The following SMURF1 variants were observed in gnomAD, a reference collection of about 807,000 sequenced individuals.
The protein encoded by SMURF1 is E3 ubiquitin-protein ligase SMURF1.
In SMURF1, 44 loss-of-function variants were observed where a neutral mutation model predicts 98.0. That is an observed-to-expected ratio of 0.45 (90% CI 0.35 to 0.58). The LOEUF (loss-of-function observed/expected upper bound fraction) is 0.58, where lower values mean the gene tolerates loss of function less well. Ranked by LOEUF, SMURF1 falls within the 20% of genes least tolerant of loss-of-function variation. SMURF1 has a pLI of 0.00. For missense variants in SMURF1, 687 were observed against 938.4 expected (o/e 0.73, Z 3.50); for synonymous variants, 396 against 374.9 (o/e 1.06, Z -0.65).
rs543037104 is a variant in SMURF1, at chr7:99,037,205, A to G, written c.1689-18T>C. 1 of 1,613,696 alleles carries G rather than the reference A, an allele frequency of 6.2e-7. No homozygotes were observed. The highest frequency in any genetic ancestry group is 1.3e-5 in the African/African-American group (1 of 75,020). On this transcript the variant is annotated intron_variant, in intron 14 of 17. Transcript: ENST00000361368. ...CATACAACCTGGAAGAAAAACTCGC[A>G]AGTTGGATGCAACACCAAGTGGATT...
rs747835625 is a variant in SMURF1, at chr7:99,052,322, T to C, written c.604A>G (p.Ser202Gly). Residue 202 changes from serine (S) to glycine (G), a missense_variant, in exon 7 of 18, where the codon AGT (serine) becomes GGT (glycine). By Grantham distance (56) the Ser-to-Gly change is moderately conservative. This residue lies in a region of SMURF1 where 415 missense variants were observed against 508.4 expected (regional missense o/e 0.82). Coordinates refer to ENST00000361368, the MANE Select transcript of SMURF1 (RefSeq NM_181349.3). ...TGTGCCTGAAGTCTTTGATCTTGAC[T>C]TGGGGACTCCACGAACCTGCAATTC... The part of the protein sequence containing the change: ...GGNCRFVESP[S>G]QDQRLQAQRL... 6.2e-7 allele frequency: 1 copy of C among 1,613,020 alleles called. No homozygotes were observed. The highest frequency in any genetic ancestry group is 1.1e-5 in the South Asian group (1 of 90,558).
intron 1 of SMURF1, 127 bp from the exon 2 acceptor site, chr7:99,061,964 T>C: frequency 1.6e-6 from 1 of 620,160 alleles, no homozygotes; most frequent in Non-Finnish European, 2.7e-6. Flanking sequence ...CTTTCAAATC[T>C]AGTATCATAT....
At chr7:99,037,984 T>C (rs552592044) in intron 14 of SMURF1, among the ~76,000 whole-genome samples, 66 of 149,636 alleles carry the variant, frequency 4.4e-4, no homozygotes, top group African/African-American at 1.6e-3. Context: ...TGCAAGTGCC[T>C]AGGCCGCAAG....
At chr7:99,111,293 T>C (rs879116286) in intron 1 of SMURF1, among the ~76,000 whole-genome samples, 1 of 152,164 alleles carries the variant, frequency 6.6e-6, no homozygotes, top group Admixed American at 6.5e-5. Context: ...CAAAAAGAGA[T>C]GGCATGTATC....
intron 1 of SMURF1, among the ~76,000 whole-genome samples, chr7:99,108,915 G>A (rs777349899): frequency 2.0e-5 from 3 of 152,132 alleles, no homozygotes; most frequent in Non-Finnish European, 2.9e-5. Flanking sequence ...TTAAGCTAAT[G>A]CATCGTGTTG....
chr7:99,140,872 CT>C (rs1798106158), intron 1 of SMURF1, among the ~76,000 whole-genome samples: 1 of 151,958 alleles, frequency 6.6e-6, no homozygotes, highest in East Asian at 1.9e-4. Context: ...TGAAAGATTG[CT>C]TCTCAACATC....
At chr7:99,043,540 C>T (rs1308368865) in intron 11 of SMURF1, among the ~76,000 whole-genome samples, 2 of 152,106 alleles carry the variant, frequency 1.3e-5, no homozygotes, top group Non-Finnish European at 2.9e-5. Flanking sequence ...CTACGGAAAA[C>T]GCAGAAGGAA....
At chr7:99,050,889 T>C in intron 8 of SMURF1, 2 of 1,068,028 alleles carry the variant, frequency 1.9e-6, no homozygotes, top group Non-Finnish European at 2.4e-6. Flanking sequence ...AACTCTGTTA[T>C]GGGGTGGGGG....
intron 2 of SMURF1, among the ~76,000 whole-genome samples, 181 bp downstream of exon 2, chr7:99,061,618 T>C (rs1297892600): frequency 2.0e-5 from 3 of 152,202 alleles, no homozygotes; most frequent in Admixed American, 2.0e-4. Context: ...GTTCTGTATA[T>C]TTCAGCTAAG....
At chr7:99,040,244 T>G in intron 13 of SMURF1, 134 bp downstream of exon 13, 1 of 1,001,656 alleles carries the variant, frequency 1.0e-6, no homozygotes, top group Non-Finnish European at 1.3e-6. Context: ...CTTTTTTTGT[T>G]TCAGGTTATA....
intron 9 of SMURF1, chr7:99,048,156 G>T (rs1795643262): frequency 5.1e-6 from 2 of 396,000 alleles, no homozygotes; most frequent in Non-Finnish European, 9.6e-6. Flanking sequence ...GGGAGGCTGA[G>T]GTGGGTGGAT....
chr7:99,076,853 G>A (rs998941893), intron 1 of SMURF1, among the ~76,000 whole-genome samples: 7 of 151,940 alleles, frequency 4.6e-5, no homozygotes, highest in Admixed American at 3.9e-4. Flanking sequence ...GTGTGTGCAC[G>A]TGCATGTGTG....
At chr7:99,143,629 C>A in intron 1 of SMURF1, 97 bp downstream of exon 1, 2 of 965,838 alleles carry the variant, frequency 2.1e-6, no homozygotes, top group Non-Finnish European at 2.8e-6. Context: ...GGACAACGGC[C>A]GGCGTGGGGG....
Position 99,052,427 on chromosome 7 carries a change from C to A in SMURF1, c.499G>T (p.Gly167Trp). ...ENEGTVYEDS[G>W]PGRPLSCFME... is the part of the protein sequence containing the mutation. ...AAGCAGCTGAGCGGCCTCCCAGGCC[C>A]GGAGTCTTCATACACCGTTCTGAAA... The change falls in exon 7 of 18, where the codon GGG (glycine) becomes TGG (tryptophan). Residue 167 changes from glycine to tryptophan, a missense_variant. Coordinates refer to ENST00000361368, the MANE Select transcript of SMURF1 (RefSeq NM_181349.3). The A allele has an allele frequency of 6.3e-7, 1 of 1,584,676 alleles. No homozygotes were observed. The highest frequency in any genetic ancestry group is 1.8e-5 in the Admixed American group (1 of 57,108).
chr7:99,050,715 G>T, intron 8 of SMURF1: 1 of 472,734 alleles, frequency 2.1e-6, no homozygotes, highest in Non-Finnish European at 3.8e-6. Context: ...TCTCATTATA[G>T]GTACTGAGTC....
At chr7:99,139,747 CT>C in intron 1 of SMURF1, among the ~76,000 whole-genome samples, 1 of 152,264 alleles carries the variant, frequency 6.6e-6, no homozygotes, top group East Asian at 1.9e-4. Flanking sequence ...CATTTAAAAA[CT>C]ATTTTCCTAC....
chr7:99,035,957 G>A, intron 15 of SMURF1: 1 of 545,346 alleles, frequency 1.8e-6, no homozygotes. Context: ...GCTGTTGATG[G>A]GATGTTATTT....
intron 13 of SMURF1, among the ~76,000 whole-genome samples, chr7:99,039,938 T>C (rs1236642326): frequency 5.3e-5 from 8 of 152,150 alleles, no homozygotes; most frequent in Admixed American, 1.3e-4. Flanking sequence ...TTGGCCCCTG[T>C]GTAGGTTAAC....
Position 99,037,154 on chromosome 7 carries a change from G to T in SMURF1, c.1722C>A (p.Ile574=). The change falls in exon 15 of 18, where the codon ATC becomes ATA. Residue 574 remains isoleucine (I), a synonymous_variant. Coordinates refer to ENST00000361368, the MANE Select transcript of SMURF1 (RefSeq NM_181349.3). ...TCTGCAGAGCTAAGAACTGGGCTTC[G>T]ATTCCTCTCATAAACCTCCAGTTTA... ...LYVNWRFMRG[I]EAQFLALQKG... is the part of the protein sequence containing the mutation. The T allele has an allele frequency of 6.2e-7, 1 of 1,614,156 alleles. No homozygotes were observed. Among genetic ancestry groups the T allele is most frequent in the South Asian group, 1.1e-5 (1 of 91,082 alleles).
Sources: allele counts gnomAD v4.1 joint callset (sites outside exome capture counted in the v4.1 genomes callset), GRCh38; gene constraint gnomAD v4.1.1; regional missense constraint gnomAD v4.1.1; transcripts MANE v1.5; gene names NCBI Gene and HGNC (gene_info 2026-07-23, HGNC 2026-07-21).